The following INTS8 variants were observed in gnomAD, a reference collection of about 807,000 sequenced individuals.
INTS8 encodes integrator complex subunit 8.
In INTS8, 47 loss-of-function variants were observed where a neutral mutation model predicts 138.9. The ratio of observed to expected loss-of-function variants is 0.34; its 90% CI spans 0.27 to 0.43. The LOEUF is 0.43. Ranked by LOEUF, INTS8 falls within the 20% of genes least tolerant of loss-of-function variation. The probability of loss-of-function intolerance (pLI) is 1.00; values close to 1 mark genes in which losing one functional copy is unlikely to be tolerated. For synonymous variants in INTS8, 392 were observed against 400.9 expected (o/e 0.98, Z 0.27); for missense variants, 996 against 1,173.0 (o/e 0.85, Z 2.20).
intron 22 of INTS8, 108 bp from the exon 23 acceptor site, chr8:94,874,444 G>A (rs534907219): frequency 1.4e-5 from 10 of 690,538 alleles, no homozygotes; most frequent in African/African-American, 1.1e-4. Flanking sequence ...TATATCCCCC[G>A]TTCCTCCACA....
At chr8:94,833,410 G>A (rs533218900) in intron 6 of INTS8, among the ~76,000 whole-genome samples, 2 of 151,894 alleles carry the variant, frequency 1.3e-5, no homozygotes, top group East Asian at 1.9e-4. Context: ...TAGAGACAGG[G>A]TCTCCCTATG....
In INTS8 at chr8:94,876,165, A is replaced by C. The variant is rs1816557100; in HGVS notation, c.2762+18A>C. On this transcript the variant is annotated intron_variant, in intron 24 of 26. Transcript: ENST00000523731. ...CAAAACAGGTATGAATAATATTTTA[A>C]AAATAATGAGGTCAACATTTTTCTG... 3 of 1,605,876 alleles carry C rather than the reference A, an allele frequency of 1.9e-6. No homozygotes were observed. The highest frequency in any genetic ancestry group is 1.7e-6 in the Non-Finnish European group (2 of 1,173,050).
intron 10 of INTS8, among the ~76,000 whole-genome samples, chr8:94,845,174 A>G (rs931572269): frequency 6.8e-6 from 1 of 146,096 alleles, no homozygotes; most frequent in Non-Finnish European, 1.5e-5. Flanking sequence ...TCATGAAGAT[A>G]TTCTTCTATT....
intron 10 of INTS8, among the ~76,000 whole-genome samples, chr8:94,844,443 A>C (rs1815256469): frequency 6.6e-6 from 1 of 152,054 alleles, no homozygotes; most frequent in Non-Finnish European, 1.5e-5. Flanking sequence ...CAGCCTCCGG[A>C]GTAGCTGGGA....
At chr8:94,866,123 T>C (rs771753905) in intron 17 of INTS8, 35 bp from the exon 18 acceptor site, 4 of 871,642 alleles carry the variant, frequency 4.6e-6, no homozygotes, top group Non-Finnish European at 7.4e-6. Flanking sequence ...TTATTTCTAA[T>C]ATTAAATGTG....
At position 94,838,502 on chromosome 8, in the gene INTS8, C is replaced by T. The variant is rs773875408; in HGVS notation, c.901C>T (p.Arg301Trp). 8.7e-6 allele frequency: 14 copies of T among 1,613,010 alleles called. No homozygotes were observed. The highest frequency in any genetic ancestry group is 1.7e-5 in the Admixed American group (1 of 59,980). Residue 301 changes from arginine (R) to tryptophan (W), a missense_variant, in exon 8 of 27, where the codon CGG (arginine) becomes TGG (tryptophan). Arg to Trp is a moderately radical substitution (Grantham distance 101). Transcript: ENST00000523731. ...TCTTCATTGTACCATAGATGAGAAGCGGTTAGCTGGCTATTGTCAAGCATG... is the reference window on the plus strand; with the variant it reads ...TCTTCATTGTACCATAGATGAGAAGTGGTTAGCTGGCTATTGTCAAGCATG... ...LSLHCTIDEK[R>W]LAGYCQACDV...
intron 2 of INTS8, among the ~76,000 whole-genome samples, chr8:94,825,463 T>C (rs1197380009): frequency 1.3e-5 from 2 of 151,722 alleles, no homozygotes; most frequent in Non-Finnish European, 2.9e-5. Context: ...ATATTATATA[T>C]TCTTGATAAA....
intron 10 of INTS8, among the ~76,000 whole-genome samples, chr8:94,848,061 T>G (rs1386347450): frequency 6.6e-6 from 1 of 150,592 alleles, no homozygotes; most frequent in Non-Finnish European, 1.5e-5. Context: ...CAGGCTAGAG[T>G]GCAGTGGCCT....
chr8:94,848,614 G>A (rs139340176), intron 10 of INTS8, among the ~76,000 whole-genome samples: 93 of 152,210 alleles, frequency 6.1e-4, no homozygotes, highest in African/African-American at 2.1e-3. Flanking sequence ...TTCTTAGCAC[G>A]TTTTCAATAT....
rs766820947 is a variant in INTS8 at position 94,876,042 on chromosome 8, A to G, written c.2689-32A>G. 1.5e-5 allele frequency: 22 copies of G among 1,439,140 alleles called. 1 individual carries two copies. In the East Asian group the frequency reaches 4.8e-4, roughly 31 times the overall value. The allele number at this position is 1,439,140 out of a possible 1,614,324, so 89.1% of individuals were successfully genotyped here. A position where few individuals can be genotyped will look rare whatever the true frequency, so the allele number is the denominator to read the frequency against. ...CCTTGTAAAACCAAGCTTTCATTACATGAAACCATTTTCAAATCTTTGTTA... is the reference window on the plus strand; with the variant it reads ...CCTTGTAAAACCAAGCTTTCATTACGTGAAACCATTTTCAAATCTTTGTTA... On this transcript the variant is annotated intron_variant, in intron 23 of 26. Coordinates refer to ENST00000523731, the MANE Select transcript of INTS8 (RefSeq NM_017864.4).
At chr8:94,876,564 A>G (rs896810864) in intron 26 of INTS8, 75 bp downstream of exon 26, 2 of 919,072 alleles carry the variant, frequency 2.2e-6, no homozygotes, top group Non-Finnish European at 3.3e-6. Context: ...TGAACCAACA[A>G]AAAATAGATT....
intron 16 of INTS8, among the ~76,000 whole-genome samples, chr8:94,861,255 A>ACTTTTTTTTTTTTTT (rs1815961601): frequency 1.8e-5 from 1 of 55,802 alleles, no homozygotes; most frequent in Non-Finnish European, 3.4e-5. Context: ...CCCTTTTTGT[A>ACTTTTTTTTTTTTTT]ATTTTTTTTT....
At chr8:94,876,318 T>A in intron 25 of INTS8, 33 bp downstream of exon 25, 1 of 1,537,218 alleles carries the variant, frequency 6.5e-7, no homozygotes, top group Non-Finnish European at 8.9e-7. Flanking sequence ...GATGTTAGAA[T>A]GATCCATTTT....
intron 2 of INTS8, among the ~76,000 whole-genome samples, chr8:94,826,818 C>T (rs972900433): frequency 3.3e-5 from 5 of 152,104 alleles, no homozygotes; most frequent in African/African-American, 1.2e-4. Context: ...AATCTTTTCG[C>T]ATTTAAGCCG....
intron 5 of INTS8, 98 bp downstream of exon 5, chr8:94,829,124 C>A: frequency 8.4e-6 from 7 of 837,874 alleles, no homozygotes; most frequent in Non-Finnish European, 1.4e-5. Flanking sequence ...TTGTGGAAGG[C>A]AATTTCCAGG....
chr8:94,828,046 T>G (rs751666444), intron 4 of INTS8, among the ~76,000 whole-genome samples: 269 of 10,192 alleles, frequency 0.026, no homozygotes, highest in African/African-American at 0.08. Flanking sequence ...TTTTTTTTTG[T>G]TTTTTTTTTT....
Position 94,823,543 on chromosome 8 carries a change from C to G in INTS8, c.112C>G (p.Leu38Val). 1 of 1,578,608 alleles carries G rather than the reference C, an allele frequency of 6.3e-7. No homozygotes were observed. Among genetic ancestry groups the G allele is most frequent in the Non-Finnish European group, 8.6e-7 (1 of 1,163,204 alleles). ...LLEESLLEKH[L>V]RKPCPDPAPV... ...GGAGGAGTCACTGTTGGAGAAACAT[C>G]TGCGCAAGCCCTGCCCGGGTGAGCG... The change falls in exon 1 of 27, where the codon CTG (leucine) becomes GTG (valine). Residue 38 changes from leucine to valine, a missense_variant. Transcript: ENST00000523731.
rs1414312258 is a variant in INTS8 at position 94,876,477 on chromosome 8, A to C, written c.2859A>C (p.Lys953Asn). 6.4e-7 allele frequency: 1 copy of C among 1,556,574 alleles called. No homozygotes were observed. Among genetic ancestry groups the C allele is most frequent in the Admixed American group, 1.7e-5 (1 of 58,426 alleles). Residue 953 changes from lysine (K) to asparagine (N), a missense_variant, in exon 26 of 27, where the codon AAA becomes AAC. By Grantham distance (94) the Lys-to-Asn change is moderately conservative. Transcript: ENST00000523731. Reference protein sequence around the residue: ...YLHHKRGETDKRQIAIKAIGQ... With the variant: ...YLHHKRGETDNRQIAIKAIGQ... ...ATCATAAAAGAGGAGAAACAGATAA[A>C]AGACAAATTGCAGTAAGTTACCTTA...
At chr8:94,853,938 C>T in intron 14 of INTS8, 23 bp downstream of exon 14, 1 of 1,365,062 alleles carries the variant, frequency 7.3e-7, no homozygotes, top group South Asian at 1.2e-5. Flanking sequence ...GTGTATCAAA[C>T]ACTTGTTAAG....
Sources: allele counts gnomAD v4.1 joint callset (sites outside exome capture counted in the v4.1 genomes callset), GRCh38; gene constraint gnomAD v4.1.1; transcripts MANE v1.5; gene names NCBI Gene and HGNC (gene_info 2026-07-23, HGNC 2026-07-21).